ARSG: variants seen among roughly 807,000 people sequenced by gnomAD.
ARSG encodes the protein arylsulfatase G.
In ARSG, 37 loss-of-function variants were observed where a neutral mutation model predicts 50.5. The observed-to-expected ratio is 0.73, with a 90% CI of 0.56 to 0.96. The LOEUF (loss-of-function observed/expected upper bound fraction) is 0.96. Among genes scored for constraint, ARSG ranks in the 50% least tolerant of loss-of-function variants. The pLI, the probability that ARSG is intolerant of heterozygous loss-of-function variation, is 0.00. For synonymous variants in ARSG, 225 were observed against 254.6 expected (o/e 0.88, Z 1.11); for missense variants, 629 against 675.3 (o/e 0.93, Z 0.76).
chr17:68,446,414 T>C, the ARSG span, among the ~76,000 whole-genome samples: 2 of 152,090 alleles, frequency 1.3e-5, no homozygotes, highest in Non-Finnish European at 2.9e-5. Flanking sequence ...CCTCCTGAGC[T>C]CAAGAGCTCC....
chr17:68,278,128 A>G (rs782449635), intron 1 of ARSG: 1 of 1,614,176 alleles, frequency 6.2e-7, no homozygotes, highest in Non-Finnish European at 8.5e-7. Context: ...GAGATTATCC[A>G]TGAGATCCTG....
chr17:68,384,730 A>T (rs974203805), intron 8 of ARSG, among the ~76,000 whole-genome samples: 4 of 152,208 alleles, frequency 2.6e-5, no homozygotes, highest in Admixed American at 6.5e-5. Flanking sequence ...TCTTAGGTGC[A>T]TGAGACTGAT....
rs1455334016 is a variant in ARSG at position 68,352,182 on chromosome 17, A to AGAGG, written c.566+498_566+499insGGGA. On this transcript the variant is annotated intron_variant, in intron 5 of 11. Transcript: ENST00000621439. ...GAGAGACAGAGAGAGAGAGAGAGAGAGACAGAGACAGAGAGAGAGAGAACA... is the reference window on the plus strand; with the variant it reads ...GAGAGACAGAGAGAGAGAGAGAGAGAGAGGGACAGAGACAGAGAGAGAGAGAACA... Among the ~76,000 whole-genome samples, 9 of 148,684 alleles carry AGAGG rather than the reference A, an allele frequency of 6.1e-5. No individual in the cohort carries two copies. The East Asian group carries it at 1.8e-3, about 29-fold the overall frequency.
At position 68,367,926 on chromosome 17, in the gene ARSG, C is replaced by T. The variant is rs374939706; in HGVS notation, c.705-622C>T. The stretch of plus-strand genomic sequence containing the variant: ...TCTCTACTAAAAATACAAAATTAGA[C>T]GGGCATGGGGGTGGGCACCTGTAAT... On this transcript the variant is annotated intron_variant, in intron 6 of 11. Transcript: ENST00000621439. The surrounding 1 kb of genome is among the most constrained non-coding windows in gnomAD (Gnocchi z 4.5). Among the ~76,000 whole-genome samples the T allele has an allele frequency of 4.6e-5, 7 of 152,220 alleles. No homozygotes were observed. Among genetic ancestry groups the T allele is most frequent in the African/African-American group, 1.7e-4 (7 of 41,548 alleles).
chr17:68,285,795 A>G (rs1374519817), intron 1 of ARSG, among the ~76,000 whole-genome samples: 2 of 150,380 alleles, frequency 1.3e-5, no homozygotes, highest in African/African-American at 4.9e-5. Flanking sequence ...ATGTTTTGAG[A>G]TGGAGTCCAG....
chr17:68,376,783 A>G (rs1260467288), intron 8 of ARSG, among the ~76,000 whole-genome samples: 1 of 152,032 alleles, frequency 6.6e-6, no homozygotes, highest in Admixed American at 6.6e-5. Context: ...AAAATGACCA[A>G]TGAGAGAAGC....
At position 68,418,196 on chromosome 17, in the gene ARSG, G is replaced by A. The variant is rs910342919; in HGVS notation, c.1304-1993G>A. Reference sequence around the variant, plus strand: ...ATGCATTGTAGCAATTCTGATTTCTGTTACCTGAGAGTGTTGATTTTTGTT... The same window carrying A: ...ATGCATTGTAGCAATTCTGATTTCTATTACCTGAGAGTGTTGATTTTTGTT... On this transcript the variant is annotated intron_variant, in intron 11 of 11. Transcript: ENST00000621439. Among the ~76,000 whole-genome samples, 7 of 152,270 alleles carry A rather than the reference G, an allele frequency of 4.6e-5. No homozygotes were observed. The South Asian group carries it at 6.2e-4, about 14-fold the overall frequency.
At chr17:68,448,861 A>C in the ARSG span, among the ~76,000 whole-genome samples, 5 of 151,670 alleles carry the variant, frequency 3.3e-5, no homozygotes, top group African/African-American at 1.2e-4. Flanking sequence ...CAATCAGAAA[A>C]CTCTCAAACT....
intron 2 of ARSG, among the ~76,000 whole-genome samples, chr17:68,331,237 C>CTTTCTTG (rs2077747497): frequency 1.4e-5 from 1 of 72,792 alleles, no homozygotes; most frequent in Admixed American, 1.6e-4. Context: ...TTCTTTGTTT[C>CTTTCTTG]TTTCTTTCTT....
At chr17:68,350,474 G>A (rs2078704796) in intron 4 of ARSG, among the ~76,000 whole-genome samples, 1 of 152,188 alleles carries the variant, frequency 6.6e-6, no homozygotes, top group Non-Finnish European at 1.5e-5. Flanking sequence ...TGCATATGCA[G>A]CTATAGCCTT....
chr17:68,390,301 G>T (rs2080933364), intron 9 of ARSG, among the ~76,000 whole-genome samples: 1 of 152,060 alleles, frequency 6.6e-6, no homozygotes, highest in Non-Finnish European at 1.5e-5. Flanking sequence ...GGATCCTTCA[G>T]CAGCCCCTTG....
chr17:68,347,971 G>A (rs750641466), intron 4 of ARSG, among the ~76,000 whole-genome samples: 7 of 152,166 alleles, frequency 4.6e-5, no homozygotes, highest in Non-Finnish European at 5.9e-5. Context: ...TAGACCTGGC[G>A]GAAGGTTTGC....
chr17:68,398,362 T>C (rs1305421285), intron 10 of ARSG, among the ~76,000 whole-genome samples: 1 of 152,228 alleles, frequency 6.6e-6, no homozygotes, highest in Non-Finnish European at 1.5e-5. Flanking sequence ...TATACACACA[T>C]ATTTATATGC....
intron 10 of ARSG, 34 bp from the exon 11 acceptor site, chr17:68,401,326 T>A: frequency 1.9e-6 from 3 of 1,598,300 alleles, no homozygotes; most frequent in Non-Finnish European, 2.6e-6. Flanking sequence ...TTCTGCCAAT[T>A]TTTCTATTAG....
chr17:68,282,379 C>T (rs1555753093), intron 1 of ARSG, among the ~76,000 whole-genome samples: 1 of 151,860 alleles, frequency 6.6e-6, no homozygotes, highest in Non-Finnish European at 1.5e-5. Flanking sequence ...GGAGGGATAG[C>T]ATTAGGAGAT....
chr17:68,390,189 T>C (rs1309062592), intron 9 of ARSG, among the ~76,000 whole-genome samples: 1 of 152,054 alleles, frequency 6.6e-6, no homozygotes, highest in African/African-American at 2.4e-5. Context: ...GGTTTTATCA[T>C]GTTGGCCAGG....
chr17:68,318,371 A>T (rs2077153699), intron 2 of ARSG, among the ~76,000 whole-genome samples: 1 of 152,218 alleles, frequency 6.6e-6, no homozygotes, highest in Non-Finnish European at 1.5e-5. Flanking sequence ...TGTGATAAAC[A>T]AGTGACATTA....
At chr17:68,305,518 T>C (rs148207124) in intron 1 of ARSG, among the ~76,000 whole-genome samples, 8 of 152,312 alleles carry the variant, frequency 5.3e-5, no homozygotes, top group Admixed American at 5.2e-4. Context: ...AGCAGATTCA[T>C]ATGTACCTCC....
At chr17:68,306,691 A>C (rs1409951501) in intron 1 of ARSG, among the ~76,000 whole-genome samples, 2 of 152,198 alleles carry the variant, frequency 1.3e-5, no homozygotes, top group Admixed American at 1.3e-4. Context: ...CTGGGCCTCA[A>C]TATCCTCATC....
Sources: allele counts gnomAD v4.1 joint callset (sites outside exome capture counted in the v4.1 genomes callset), GRCh38; gene constraint gnomAD v4.1.1; non-coding constraint Gnocchi (gnomAD v3.1); transcripts MANE v1.5; gene names NCBI Gene and HGNC (gene_info 2026-07-23, HGNC 2026-07-21).